Variants in PKMYT1 observed in about 807,000 individuals in gnomAD.
PKMYT1 encodes the protein protein kinase, membrane associated tyrosine/threonine 1.
A neutral mutation model predicts 49.7 loss-of-function variants in PKMYT1; 35 were observed. That is an observed-to-expected ratio of 0.70 (90% confidence interval 0.54 to 0.93). The LOEUF is 0.93. PKMYT1 is among the 40% of genes least tolerant of loss of function. The probability of loss-of-function intolerance (pLI) is 0.00; values close to 1 mark genes in which losing one functional copy is unlikely to be tolerated. For synonymous variants in PKMYT1, 331 were observed against 287.6 expected, an observed-to-expected ratio of 1.15 and a Z score of -1.53; for missense variants, 677 against 673.1, an observed-to-expected ratio of 1.01 and a Z score of -0.06.
At position 2,975,784 on chromosome 16, in the gene PKMYT1, T is replaced by G; in HGVS notation, c.407A>C (p.Tyr136Ser). 6.3e-7 allele frequency: 1 copy of G among 1,597,816 alleles called. No homozygotes were observed. The highest frequency in any genetic ancestry group is 8.5e-7 in the Non-Finnish European group (1 of 1,178,682). The change falls in exon 4 of 9, where the codon TAT becomes TCT. Residue 136 changes from tyrosine (Y) to serine (S), a missense_variant. Transcript: ENST00000262300. ...KVRSKEDGRL[Y>S]AVKRSMSPFR... ...TGGTGACATGGAACGCTTTACCGCA[T>G]AGAGCCGGCCGTCCTCCTTGGAGCG... is the stretch of plus-strand genomic sequence containing the variant.
chr16:2,974,081 G>T lies in PKMYT1; in HGVS notation c.1229C>A (p.Pro410Gln). 1 of 1,610,232 alleles carries T rather than the reference G, an allele frequency of 6.2e-7. No homozygotes were observed. Among genetic ancestry groups the T allele is most frequent in the Non-Finnish European group, 8.5e-7 (1 of 1,178,800 alleles). Residue 410 changes from proline (P) to glutamine (Q), a missense_variant, in exon 7 of 9, where the codon CCA becomes CAA. Physicochemically the swap from Pro to Gln is moderately conservative, Grantham distance 76. Coordinates refer to ENST00000262300, the MANE Select transcript of PKMYT1 (RefSeq NM_004203.5). The stretch of plus-strand genomic sequence containing the variant: ...GGGTGGTGAGCCAGGCGGGGTGGCT[G>T]GCGGGCCCAGGGGCTGTAGCCAGCT... ...PASWLQPLGP[P>Q]ATPPGSPPCS...
intron 7 of PKMYT1, 59 bp from the exon 8 acceptor site, chr16:2,973,274 C>A: frequency 6.7e-7 from 1 of 1,488,328 alleles, no homozygotes; most frequent in South Asian, 1.3e-5. Context: ...CCGGATGAAA[C>A]CAGCTCTGTC....
intron 2 of PKMYT1, chr16:2,977,362 C>T (rs920665634): frequency 1.8e-6 from 2 of 1,085,656 alleles, no homozygotes; most frequent in Admixed American, 4.7e-5. Flanking sequence ...CTCATCACGG[C>T]CAGCTCTTTG....
At chr16:2,979,624 C>A in intron 2 of PKMYT1, 24 bp downstream of exon 2, 1 of 1,601,096 alleles carries the variant, frequency 6.2e-7, no homozygotes, top group South Asian at 1.1e-5. Context: ...CCAGTTCTCC[C>A]ACCGTCCCTG....
At position 2,979,630 on chromosome 16, in the gene PKMYT1, C is replaced by T. The variant is rs745822713; in HGVS notation, c.10+18G>A. 1.2e-6 allele frequency: 2 copies of T among 1,606,884 alleles called. No individual in the cohort carries two copies. Among genetic ancestry groups the T allele is most frequent in the South Asian group, 2.2e-5 (2 of 90,956 alleles). ...CATCTTAACCCAGTTCTCCCACCGT[C>T]CCTGCCCTACGACTTACGTTCTAGC... On this transcript the variant is annotated intron_variant, in intron 2 of 8. Coordinates refer to ENST00000262300, the MANE Select transcript of PKMYT1 (RefSeq NM_004203.5).
rs1002145024 is a variant in PKMYT1, at chr16:2,979,461, C to T, written c.10+187G>A. 118 of 614,318 alleles carry T rather than the reference C, an allele frequency of 1.9e-4. No individual in the cohort carries two copies. In the African/African-American group the frequency reaches 1.9e-3, roughly 10 times the overall value. 38.1% of individuals were successfully genotyped at this position (614,318 alleles called of 1,614,324 possible). On this transcript the variant is annotated intron_variant, in intron 2 of 8. Coordinates refer to ENST00000262300, the MANE Select transcript of PKMYT1 (RefSeq NM_004203.5). ...CAGGCTGCCCTCCATCTTGTGGAGA[C>T]TCTTCCTCTGACTCTAACTACCTCA...
Position 2,973,187 on chromosome 16 carries a change from CCAGGACAGCCT to C in PKMYT1, c.1328_1338del (p.Glu443GlyfsTer24). 2 of 1,523,228 alleles carry C rather than the reference CCAGGACAGCCT, an allele frequency of 1.3e-6. No individual in the cohort carries two copies. The highest frequency in any genetic ancestry group is 2.7e-5 in the African/African-American group (2 of 73,430). 94.4% of individuals were successfully genotyped at this position (1,523,228 alleles called of 1,614,324 possible). ...GTGGAGGTGCTCCCCACAGTCCGGG[CCAGGACAGCCT>C]CAGGGGAGAGTGAAGGCCTGCAGGA... is the stretch of plus-strand genomic sequence containing the variant. On this transcript the variant is annotated frameshift_variant, in exon 8 of 9. Coordinates refer to ENST00000262300, the MANE Select transcript of PKMYT1 (RefSeq NM_004203.5). LOFTEE classifies it high-confidence loss of function.
At position 2,974,347 on chromosome 16, in the gene PKMYT1, G is replaced by A. The variant is rs1379675782; in HGVS notation, c.1050C>T (p.Ala350=). 29 of 1,609,674 alleles carry A rather than the reference G, an allele frequency of 1.8e-5. No individual in the cohort carries two copies. Among genetic ancestry groups the A allele is most frequent in the East Asian group, 4.5e-5 (2 of 44,764 alleles). Residue 350 remains alanine (A), a synonymous_variant, in exon 6 of 9, where the codon GCC becomes GCT. Transcript: ENST00000262300. ...ACACAGGCAGTGCCAGCAGGGCCTCGGCCGTGGCCCGCAGCTTGGGGTCTG... is the reference window on the plus strand; with the variant it reads ...ACACAGGCAGTGCCAGCAGGGCCTCAGCCGTGGCCCGCAGCTTGGGGTCTG... ...LEPDPKLRAT[A]EALLALPVLR...
intron 2 of PKMYT1, chr16:2,977,250 A>G (rs570787554): frequency 4.2e-5 from 58 of 1,387,826 alleles, no homozygotes; most frequent in Non-Finnish European, 5.3e-5. Context: ...AGATGATAGA[A>G]ACATAAGAGG....
Position 2,975,543 on chromosome 16 carries a change from G to A in PKMYT1, c.648C>T (p.Asp216=), listed in dbSNP as rs1323672502. 3 of 1,612,038 alleles carry A rather than the reference G, an allele frequency of 1.9e-6. No individual in the cohort carries two copies. Among genetic ancestry groups the A allele is most frequent in the Non-Finnish European group, 2.5e-6 (3 of 1,179,884 alleles). Reference sequence around the variant, plus strand: ...GCAGATGGGCCAGGGCAAGCAGCGTGTCCCGCAGGTAGCCCCAGACCTGGG... The same window carrying A: ...GCAGATGGGCCAGGGCAAGCAGCGTATCCCGCAGGTAGCCCCAGACCTGGG... ...PEAQVWGYLR[D]TLLALAHLHS... is the part of the protein sequence containing the mutation. The change falls in exon 4 of 9, where the codon GAC becomes GAT. Residue 216 remains aspartate, a synonymous_variant. Transcript: ENST00000262300.
rs768023716 is a variant in PKMYT1, at chr16:2,975,316, C to T, written c.872+3G>A. 5 of 1,609,468 alleles carry T rather than the reference C, an allele frequency of 3.1e-6. No homozygotes were observed. The Admixed American group carries it at 6.7e-5, about 22-fold the overall frequency. On this transcript the variant is annotated splice_donor_region_variant and intron_variant, in intron 4 of 8. Coordinates refer to ENST00000262300, the MANE Select transcript of PKMYT1 (RefSeq NM_004203.5). Reference sequence around the variant, plus strand: ...CAAACACCTGGCGTGCCCCGGTCCCCACCTGAACACATCCGCTGCTGTCCC... The same window carrying T: ...CAAACACCTGGCGTGCCCCGGTCCCTACCTGAACACATCCGCTGCTGTCCC...
chr16:2,973,928 C>T (rs754895520), intron 7 of PKMYT1, 72 bp downstream of exon 7: 48 of 1,510,222 alleles, frequency 3.2e-5, no homozygotes, highest in South Asian at 4.8e-5. Flanking sequence ...CCATTCACCA[C>T]GAATCTCCAT....
chr16:2,976,017 G>A (rs778949401), intron 3 of PKMYT1: 2 of 598,778 alleles, frequency 3.3e-6, no homozygotes, highest in South Asian at 2.3e-5. Flanking sequence ...GAGACCCAGC[G>A]ACGGAGGAGC....
At position 2,972,958 on chromosome 16, in the gene PKMYT1, T is replaced by C; in HGVS notation, c.1495A>G (p.Thr499Ala). 1.9e-6 allele frequency: 3 copies of C among 1,603,990 alleles called. No homozygotes were observed. Among genetic ancestry groups the C allele is most frequent in the Non-Finnish European group, 1.7e-6 (2 of 1,175,870 alleles). ...LSLFEDTLDP[T>A] Reference sequence around the variant, plus strand: ...GCAGAGGCAGAGTCTGGGGCTCAGGTTGGGTCTAGGGTGTCCTCAAACAGG... The same window carrying C: ...GCAGAGGCAGAGTCTGGGGCTCAGGCTGGGTCTAGGGTGTCCTCAAACAGG... Residue 499 changes from threonine to alanine, a missense_variant, in exon 9 of 9, where the codon ACC becomes GCC. Transcript: ENST00000262300.
At position 2,975,684 on chromosome 16, in the gene PKMYT1, G is replaced by A; in HGVS notation, c.507C>T (p.Cys169=). Residue 169 remains cysteine, a synonymous_variant, in exon 4 of 9, where the codon TGC becomes TGT. Coordinates refer to ENST00000262300, the MANE Select transcript of PKMYT1 (RefSeq NM_004203.5). ...CCCAGGCCTGCTCCAGCCGCACGCA[G>A]CATGGGTGCTGCCCCACCTTCTCGT... is the stretch of plus-strand genomic sequence containing the variant. ...GSHEKVGQHP[C]CVRLEQAWEE... is the part of the protein sequence containing the mutation. 6.2e-7 allele frequency: 1 copy of A among 1,610,094 alleles called. No homozygotes were observed. Among genetic ancestry groups the A allele is most frequent in the Non-Finnish European group, 8.5e-7 (1 of 1,179,880 alleles).
intron 2 of PKMYT1, chr16:2,977,241 G>C: frequency 2.1e-6 from 3 of 1,398,738 alleles, no homozygotes; most frequent in East Asian, 2.6e-5. Context: ...GTATTTTAGA[G>C]ATGATAGAAA....
rs568615934 is a variant in PKMYT1, at chr16:2,974,035, G to A, written c.1275C>T (p.Ser425=). 12 of 1,612,706 alleles carry A rather than the reference G, an allele frequency of 7.4e-6. No individual in the cohort carries two copies. The Admixed American group carries it at 2.0e-4, about 27-fold the overall frequency. The change falls in exon 7 of 9, where the codon AGC becomes AGT. Residue 425 remains serine, a synonymous_variant. Coordinates refer to ENST00000262300, the MANE Select transcript of PKMYT1 (RefSeq NM_004203.5). The part of the protein sequence containing the change: ...GSPPCSLLLD[S]SLSSNWDDDS... ...CGTCATCCCAGTTGCTGGAGAGGCT[G>A]CTGTCCAGGAGCAAACTGCAGGGTG...
At chr16:2,974,487 A>G (rs751237088) in intron 5 of PKMYT1, 63 bp downstream of exon 5, 56 of 1,538,168 alleles carry the variant, frequency 3.6e-5, no homozygotes, top group Non-Finnish European at 4.9e-5. Context: ...CAGTGCCTCC[A>G]TGGCCAGCCA....
intron 7 of PKMYT1, 73 bp from the exon 8 acceptor site, chr16:2,973,288 G>A: frequency 6.6e-7 from 1 of 1,503,960 alleles, no homozygotes. Context: ...CTCTGTCCCT[G>A]TGCAGGCTCC....
Sources: allele counts gnomAD v4.1 joint callset, GRCh38; gene constraint gnomAD v4.1.1; transcripts MANE v1.5; gene names NCBI Gene and HGNC (gene_info 2026-07-23, HGNC 2026-07-21).